PIWIL1: variants seen among roughly 807,000 people sequenced by gnomAD.
The protein encoded by PIWIL1 is piwi-like protein 1.
PIWIL1 carries 73 observed loss-of-function variants against 114.4 expected under a neutral mutation model. That is an observed-to-expected ratio of 0.64 (90% CI 0.53 to 0.78). PIWIL1 has a LOEUF of 0.78. PIWIL1 is among the 30% of genes least tolerant of loss of function. The pLI, the probability that PIWIL1 is intolerant of heterozygous loss-of-function variation, is 0.00. For missense variants in PIWIL1, 723 were observed against 1,063.1 expected (o/e 0.68, Z 4.45); for synonymous variants, 375 against 369.0 (o/e 1.02, Z -0.19).
the PIWIL1 span, among the ~76,000 whole-genome samples, chr12:130,421,585 T>C: frequency 1.3e-5 from 2 of 152,218 alleles, no homozygotes; most frequent in Non-Finnish European, 2.9e-5. Context: ...GGCTTTTCAG[T>C]GGCCTAGACT....
chr12:130,394,683 AGT>A, the PIWIL1 span, among the ~76,000 whole-genome samples: 1 of 146,682 alleles, frequency 6.8e-6, no homozygotes, highest in African/African-American at 2.5e-5. Context: ...TTTTTTTCTG[AGT>A]GCAGCTTTAA....
chr12:130,415,777 G>C, the PIWIL1 span, among the ~76,000 whole-genome samples: 2 of 152,148 alleles, frequency 1.3e-5, no homozygotes, highest in Non-Finnish European at 2.9e-5. Context: ...TCTCTTCACT[G>C]ATGATATGAT....
intron 19 of PIWIL1, among the ~76,000 whole-genome samples, chr12:130,370,470 G>C (rs2073788594): frequency 6.6e-6 from 1 of 152,170 alleles, no homozygotes; most frequent in Admixed American, 6.5e-5. Flanking sequence ...ATAATCTAAA[G>C]ATGATACTTT....
chr12:130,364,838 T>A (rs555551720), intron 18 of PIWIL1, among the ~76,000 whole-genome samples: 2 of 152,302 alleles, frequency 1.3e-5, no homozygotes, highest in South Asian at 4.1e-4. Flanking sequence ...CTAGTCTTTA[T>A]TGTCATTTCC....
chr12:130,348,769 C>T (rs1565943584), intron 7 of PIWIL1, among the ~76,000 whole-genome samples: 1 of 152,108 alleles, frequency 6.6e-6, no homozygotes, highest in Non-Finnish European at 1.5e-5. Context: ...GGTGTGGTGG[C>T]TGGCACCTGT....
At chr12:130,418,965 G>A in the PIWIL1 span, among the ~76,000 whole-genome samples, 1 of 152,162 alleles carries the variant, frequency 6.6e-6, no homozygotes, top group African/African-American at 2.4e-5. Context: ...ACGTTGTTTT[G>A]GGGGGAAGAC....
At chr12:130,362,677 C>A in intron 16 of PIWIL1, 89 bp from the exon 17 acceptor site, 1 of 1,113,134 alleles carries the variant, frequency 9.0e-7, no homozygotes, top group Non-Finnish European at 1.3e-6. Flanking sequence ...TGACAGATTG[C>A]TAAGAGTGAA....
intron 4 of PIWIL1, 53 bp from the exon 5 acceptor site, chr12:130,346,317 C>G (rs752403416): frequency 4.3e-6 from 6 of 1,390,474 alleles, no homozygotes; most frequent in Admixed American, 1.8e-5. Context: ...GGAAAGATTT[C>G]AAGGAAAAAT....
In PIWIL1 at chr12:130,371,588, A is replaced by G; in HGVS notation, c.2576A>G (p.Tyr859Cys). Residue 859 changes from tyrosine to cysteine, a missense_variant, in exon 21 of 21, where the codon TAC becomes TGC. Transcript: ENST00000245255. ...EPNLSLSNRL[Y>C]YL Reference sequence around the variant, plus strand: ...AATCTGTCACTGTCAAACCGCCTTTACTACCTCTAACCTGCAGAAGACGAT... The same window carrying G: ...AATCTGTCACTGTCAAACCGCCTTTGCTACCTCTAACCTGCAGAAGACGAT... 1 of 1,601,342 alleles carries G rather than the reference A, an allele frequency of 6.2e-7. No homozygotes were observed.
chr12:130,404,751 A>G, the PIWIL1 span, among the ~76,000 whole-genome samples: 12,182 of 152,284 alleles, frequency 0.08, 710 homozygotes, highest in South Asian at 0.2. Context: ...AGCTAAATGT[A>G]CATCTAAACA....
At chr12:130,339,482 C>T (rs1258048591) in intron 1 of PIWIL1, 1 of 152,266 alleles carries the variant, frequency 6.6e-6, no homozygotes, top group Non-Finnish European at 1.5e-5. Context: ...TGGTCCTGAG[C>T]TCAGCGCCGG....
Position 130,345,740 on chromosome 12 carries a change from AT to A in PIWIL1, c.191-4del, listed in dbSNP as rs374456201. On this transcript the variant is annotated splice_polypyrimidine_tract_variant and intron_variant, in intron 3 of 20. Transcript: ENST00000245255. ...GTGCTTTATGTTGCTCAAGTACACAATTTTTTTTTAAGGACTCCAGATATCT... is the reference window on the plus strand; with the variant it reads ...GTGCTTTATGTTGCTCAAGTACACAATTTTTTTTAAGGACTCCAGATATCT... The A allele has an allele frequency of 2.3e-3, 3,634 of 1,563,730 alleles. 45 individuals carry two copies. The highest frequency in any genetic ancestry group is 0.016 in the South Asian group (1,404 of 88,066).
At chr12:130,367,560 C>T (rs1483115384) in intron 19 of PIWIL1, among the ~76,000 whole-genome samples, 2 of 152,176 alleles carry the variant, frequency 1.3e-5, no homozygotes, top group East Asian at 1.9e-4. Context: ...TTTTTACGTA[C>T]ATAACCTATC....
the PIWIL1 span, chr12:130,398,748 T>TAG: frequency 6.5e-6 from 1 of 153,560 alleles, no homozygotes; most frequent in East Asian, 1.9e-4. Context: ...AAGCTTCCTA[T>TAG]AGTAAACATG....
chr12:130,400,310 A>G, the PIWIL1 span, among the ~76,000 whole-genome samples: 1 of 152,190 alleles, frequency 6.6e-6, no homozygotes, highest in Non-Finnish European at 1.5e-5. Flanking sequence ...CCTCTTACTC[A>G]TGGATAGGTT....
chr12:130,419,193 C>T, the PIWIL1 span, among the ~76,000 whole-genome samples: 2 of 152,094 alleles, frequency 1.3e-5, no homozygotes, highest in African/African-American at 4.8e-5. This position sits in a 1 kb window ranked among gnomAD's most constrained non-coding sequence, Gnocchi z 4.3. Flanking sequence ...GGTCCCTTGT[C>T]CTTGGTGATG....
downstream of PIWIL1, among the ~76,000 whole-genome samples, chr12:130,374,058 G>T (rs928391919): frequency 5.3e-5 from 8 of 152,122 alleles, no homozygotes; most frequent in African/African-American, 1.9e-4. Flanking sequence ...TTGGTGGGTG[G>T]TTCCCCAAAA....
At chr12:130,393,955 A>C in the PIWIL1 span, among the ~76,000 whole-genome samples, 1 of 152,172 alleles carries the variant, frequency 6.6e-6, no homozygotes, top group African/African-American at 2.4e-5. Context: ...TTATTTCTTC[A>C]GCTAGTGAAG....
the PIWIL1 span, among the ~76,000 whole-genome samples, chr12:130,410,748 C>T: frequency 1.3e-5 from 2 of 152,198 alleles, no homozygotes; most frequent in Non-Finnish European, 2.9e-5. Flanking sequence ...CACGTTGTCT[C>T]GATTAGCATA....
Sources: gnomAD v4.1 joint callset for allele counts (sites outside exome capture counted in the v4.1 genomes callset) on GRCh38, gnomAD v4.1.1 for gene constraint, Gnocchi (gnomAD v3.1) non-coding constraint, MANE v1.5 for transcripts, NCBI Gene and HGNC (gene_info 2026-07-23, HGNC 2026-07-21) for gene names.